Variants in VPS13B observed in about 807,000 individuals in gnomAD.
VPS13B encodes intermembrane lipid transfer protein VPS13B.
Under a neutral mutation model 426.4 loss-of-function variants are expected in VPS13B, and 285 were observed. The observed-to-expected ratio is 0.67, with a 90% CI of 0.61 to 0.74. The LOEUF is 0.74. VPS13B is among the 30% of genes least tolerant of loss of function. The probability of loss-of-function intolerance (pLI) is 0.00; values close to 1 mark genes in which losing one functional copy is unlikely to be tolerated. For synonymous variants in VPS13B, 1,676 were observed against 1,676.4 expected (o/e 1.00, Z 0.01); for missense variants, 4,537 against 4,782.6 (o/e 0.95, Z 1.51).
At chr8:99,476,638 C>T (rs913201874) in intron 24 of VPS13B, among the ~76,000 whole-genome samples, 3 of 151,792 alleles carry the variant, frequency 2.0e-5, no homozygotes, top group Non-Finnish European at 2.9e-5. Context: ...GCTTACTTCT[C>T]GTAAGAAACC....
chr8:99,491,508 T>C (rs557136395), intron 25 of VPS13B, among the ~76,000 whole-genome samples: 75 of 152,342 alleles, frequency 4.9e-4, no homozygotes, highest in African/African-American at 1.7e-3. Flanking sequence ...CAATCAAACA[T>C]AGATTTGGTC....
At chr8:99,604,818 T>C (rs1305955213) in intron 33 of VPS13B, among the ~76,000 whole-genome samples, 1 of 152,122 alleles carries the variant, frequency 6.6e-6, no homozygotes, top group Non-Finnish European at 1.5e-5. Context: ...TGCTCAGATA[T>C]TTTGTAGAAT....
At chr8:99,574,246 A>G (rs2133805483) in intron 31 of VPS13B, among the ~76,000 whole-genome samples, 1 of 152,330 alleles carries the variant, frequency 6.6e-6, no homozygotes, top group South Asian at 2.1e-4. Context: ...TCGTCTGCAA[A>G]CGGGGACAAT....
chr8:99,210,990 G>T (rs1815059243), intron 17 of VPS13B, among the ~76,000 whole-genome samples: 1 of 152,148 alleles, frequency 6.6e-6, no homozygotes, highest in Non-Finnish European at 1.5e-5. Context: ...ACTATCTCAG[G>T]TGACAAATGA....
At chr8:99,556,371 T>C in intron 30 of VPS13B, 79 bp from the exon 31 acceptor site, 2 of 1,448,514 alleles carry the variant, frequency 1.4e-6, no homozygotes, top group East Asian at 2.4e-5. Flanking sequence ...GACACTATGT[T>C]AGTGAACAAA....
At chr8:99,382,863 G>C (rs1339423043) in intron 19 of VPS13B, among the ~76,000 whole-genome samples, 1 of 152,144 alleles carries the variant, frequency 6.6e-6, no homozygotes, top group Non-Finnish European at 1.5e-5. Context: ...TCTGATAGCA[G>C]TGGTGAGAGA....
chr8:99,365,516 C>CTTCTT (rs71273182), intron 19 of VPS13B, among the ~76,000 whole-genome samples: 67,283 of 102,660 alleles, frequency 0.66, 23,481 homozygotes, highest in South Asian at 0.81. Flanking sequence ...TCTTCTTCTT[C>CTTCTT]TTTTTTTTTT....
Position 99,853,928 on chromosome 8 carries a change from A to T in VPS13B, c.10539A>T (p.Val3513=). 3 of 1,614,258 alleles carry T rather than the reference A, an allele frequency of 1.9e-6. No individual in the cohort carries two copies. The highest frequency in any genetic ancestry group is 2.5e-6 in the Non-Finnish European group (3 of 1,180,052). Reference sequence around the variant, plus strand: ...GGTTATACGTGGAAGACACATTTGTATACTACATCAAGACTTTGTTTGACA... The same window carrying T: ...GGTTATACGTGGAAGACACATTTGTTTACTACATCAAGACTTTGTTTGACA... ...PARLYVEDTF[V]YYIKTLFDTY... Residue 3513 remains valine, a synonymous_variant, in exon 56 of 62, where the codon GTA becomes GTT. Coordinates refer to ENST00000357162, the MANE Select transcript of VPS13B (RefSeq NM_152564.5).
chr8:99,485,925 A>G (rs1820277238), intron 25 of VPS13B, among the ~76,000 whole-genome samples: 1 of 152,072 alleles, frequency 6.6e-6, no homozygotes, highest in Non-Finnish European at 1.5e-5. Flanking sequence ...TCTTAACTCC[A>G]TTTATTGGAG....
chr8:99,070,188 A>G (rs1428661595), intron 3 of VPS13B, among the ~76,000 whole-genome samples: 3 of 152,218 alleles, frequency 2.0e-5, no homozygotes, highest in African/African-American at 7.2e-5. Context: ...TGCTGGGATT[A>G]CAGACGTCAG....
intron 3 of VPS13B, among the ~76,000 whole-genome samples, chr8:99,058,053 T>C (rs948094879): frequency 2.0e-5 from 3 of 152,214 alleles, no homozygotes; most frequent in Non-Finnish European, 4.4e-5. Flanking sequence ...GTTTTCGAAG[T>C]GTGATCTGAA....
chr8:99,134,822 A>G, intron 9 of VPS13B, 95 bp downstream of exon 9: 1 of 1,224,312 alleles, frequency 8.2e-7, no homozygotes, highest in Non-Finnish European at 1.2e-6. Context: ...ATTTAAAAAT[A>G]CAAGTAAGAT....
chr8:99,203,193 T>G (rs944739817), intron 17 of VPS13B, among the ~76,000 whole-genome samples: 1 of 152,164 alleles, frequency 6.6e-6, no homozygotes, highest in East Asian at 1.9e-4. Context: ...CCCTGGGATG[T>G]AAGGCTGGCT....
chr8:99,808,431 G>A (rs896083192), intron 43 of VPS13B, among the ~76,000 whole-genome samples: 3 of 149,490 alleles, frequency 2.0e-5, no homozygotes, highest in Admixed American at 6.7e-5. Context: ...CAAGAGAATC[G>A]CTTGAACCCA....
intron 19 of VPS13B, among the ~76,000 whole-genome samples, chr8:99,296,683 G>A (rs1392815698): frequency 6.6e-6 from 1 of 152,150 alleles, no homozygotes; most frequent in African/African-American, 2.4e-5. Context: ...GGTCCTTTAT[G>A]AGGTAATTAA....
chr8:99,532,793 CA>C (rs1822997215), intron 30 of VPS13B, among the ~76,000 whole-genome samples: 1 of 149,668 alleles, frequency 6.7e-6, no homozygotes, highest in African/African-American at 2.5e-5. Context: ...GCTAACGGCT[CA>C]ATTTTAATAG....
At chr8:99,132,948 G>A (rs189704802) in intron 8 of VPS13B, among the ~76,000 whole-genome samples, 122 of 152,214 alleles carry the variant, frequency 8.0e-4, no homozygotes, top group Admixed American at 1.7e-3. Context: ...TGATTCTTAA[G>A]GGCCCTAGGA....
At chr8:99,611,010 G>A (rs1827826732) in intron 33 of VPS13B, among the ~76,000 whole-genome samples, 1 of 152,154 alleles carries the variant, frequency 6.6e-6, no homozygotes. Context: ...TAGAAAAACT[G>A]TTAGATTTGA....
At position 99,766,799 on chromosome 8, in the gene VPS13B, A is replaced by T. The variant is rs571226311; in HGVS notation, c.7076A>T (p.Asp2359Val). Residue 2359 changes from aspartate to valine, a missense_variant, in exon 40 of 62, where the codon GAT becomes GTT. This residue lies in a region of VPS13B where 4,311 missense variants were observed against 4,474.3 expected (regional missense o/e 0.96). Transcript: ENST00000357162. ...GTTCCTTGTAGCTTGGAATACTGGG[A>T]TGAACTCCAGAAGGTTTTTGTTGCA... ...LQVPCSLEYW[D>V]ELQKVFVAFR... 6.2e-7 allele frequency: 1 copy of T among 1,613,856 alleles called. No individual in the cohort carries two copies. The highest frequency in any genetic ancestry group is 1.7e-5 in the Admixed American group (1 of 60,020).
Sources: allele counts gnomAD v4.1 joint callset (sites outside exome capture counted in the v4.1 genomes callset), GRCh38; gene constraint gnomAD v4.1.1; regional missense constraint gnomAD v4.1.1; transcripts MANE v1.5; gene names NCBI Gene and HGNC (gene_info 2026-07-23, HGNC 2026-07-21).